The following ENPP6 variants were observed in gnomAD, a reference collection of about 807,000 sequenced individuals.
ENPP6 encodes the protein glycerophosphocholine cholinephosphodiesterase ENPP6.
In ENPP6, 32 loss-of-function variants were observed where a neutral mutation model predicts 42.0. That is an observed-to-expected ratio of 0.76 (90% confidence interval 0.58 to 1.02). The LOEUF is 1.02. ENPP6 is among the 50% of genes least tolerant of loss of function. The pLI is 0.00. For synonymous variants in ENPP6, 213 were observed against 216.0 expected, an observed-to-expected ratio of 0.99 and a Z score of 0.12; for missense variants, 552 against 566.8, an observed-to-expected ratio of 0.97 and a Z score of 0.27.
chr4:184,209,853 T>A (rs933195712), intron 1 of ENPP6, among the ~76,000 whole-genome samples: 1 of 141,046 alleles, frequency 7.1e-6, no homozygotes, highest in African/African-American at 2.8e-5. Context: ...CGGGTTACCC[T>A]CAAAGGGAAG....
At chr4:184,092,605 C>T (rs973703140) in intron 7 of ENPP6, among the ~76,000 whole-genome samples, 3 of 152,188 alleles carry the variant, frequency 2.0e-5, no homozygotes, top group African/African-American at 7.2e-5. Flanking sequence ...AAGCACTTGT[C>T]CATTTAAAGA....
rs1736697619 is a variant in ENPP6, at chr4:184,134,506, C to G, written c.422-10234G>C. ...AATCTGTCTGTTTCATGTGTGCTTT[C>G]AAATACATTGGTGTAACATTTTCAC... On this transcript the variant is annotated intron_variant, in intron 2 of 7. Transcript: ENST00000296741. Among the ~76,000 whole-genome samples, 3 of 152,068 alleles carry G rather than the reference C, an allele frequency of 2.0e-5. No homozygotes were observed. In the South Asian group the frequency reaches 6.2e-4, roughly 32 times the overall value.
chr4:184,120,617 C>T (rs554366814), intron 3 of ENPP6, among the ~76,000 whole-genome samples: 2 of 152,308 alleles, frequency 1.3e-5, no homozygotes, highest in Admixed American at 6.5e-5. Context: ...TCCTGCAAAT[C>T]GGACTTCCAG....
At chr4:184,111,502 CTG>C (rs1234998795) in intron 6 of ENPP6, among the ~76,000 whole-genome samples, 1 of 152,104 alleles carries the variant, frequency 6.6e-6, no homozygotes, top group Admixed American at 6.5e-5. Context: ...ACCTCACACT[CTG>C]TGATGAAGTG....
rs192174332 is a variant in ENPP6, at chr4:184,204,811, G to C, written c.241+12768C>G. 2.6e-3 allele frequency among the ~76,000 whole-genome samples: 395 copies of C among 152,322 alleles called. 3 individuals are homozygous for C. The highest frequency in any genetic ancestry group is 9.2e-3 in the African/African-American group (384 of 41,570). ...CTAAATGCAAATTGCTTTCATATGA[G>C]CAAAGCATGATTGTAGTTTTTTCTC... is the stretch of plus-strand genomic sequence containing the variant. On this transcript the variant is annotated intron_variant, in intron 1 of 7. Coordinates refer to ENST00000296741, the MANE Select transcript of ENPP6 (RefSeq NM_153343.4).
At chr4:184,216,707 T>G (rs781326798) in intron 1 of ENPP6, 8 of 152,180 alleles carry the variant, frequency 5.3e-5, no homozygotes, top group Admixed American at 2.6e-4. Context: ...TTACAAAGGT[T>G]ATAGCTGAAA....
chr4:184,097,112 G>T, intron 7 of ENPP6, 133 bp downstream of exon 7: 1 of 1,325,498 alleles, frequency 7.5e-7, no homozygotes, highest in Non-Finnish European at 1.0e-6. Flanking sequence ...GAGACCGGCT[G>T]GGTTTGCTCT....
At chr4:184,201,114 G>C (rs550649622) in intron 1 of ENPP6, among the ~76,000 whole-genome samples, 4 of 152,084 alleles carry the variant, frequency 2.6e-5, no homozygotes, top group Non-Finnish European at 1.5e-5. Flanking sequence ...CACAGCACGC[G>C]CGCCCCCAGG....
chr4:184,109,133 C>A (rs1328866029), intron 6 of ENPP6, among the ~76,000 whole-genome samples: 1 of 152,020 alleles, frequency 6.6e-6, no homozygotes, highest in Non-Finnish European at 1.5e-5. Context: ...ATCTCTTGAA[C>A]CTGGAAGGCA....
intron 6 of ENPP6, among the ~76,000 whole-genome samples, chr4:184,106,964 A>G (rs1451887238): frequency 6.6e-6 from 1 of 151,958 alleles, no homozygotes; most frequent in Non-Finnish European, 1.5e-5. Context: ...GCCCTTCTCC[A>G]CTTGGCATTT....
At chr4:184,194,335 C>T (rs992835176) in intron 1 of ENPP6, among the ~76,000 whole-genome samples, 2 of 152,184 alleles carry the variant, frequency 1.3e-5, no homozygotes, top group African/African-American at 2.4e-5. Context: ...TCTGGAGCAA[C>T]GAACAGTCAC....
chr4:184,127,676 G>A (rs1736526421), intron 2 of ENPP6, among the ~76,000 whole-genome samples: 1 of 152,272 alleles, frequency 6.6e-6, no homozygotes, highest in African/African-American at 2.4e-5. Flanking sequence ...AGAATCCCTT[G>A]AACCTGGTGG....
intron 2 of ENPP6, among the ~76,000 whole-genome samples, chr4:184,141,010 C>T (rs1325940330): frequency 9.4e-6 from 1 of 106,074 alleles, no homozygotes; most frequent in African/African-American, 3.4e-5. Context: ...GGGCTAATAT[C>T]CAGAATCTAC....
At chr4:184,165,326 C>A (rs1277151643) in intron 1 of ENPP6, among the ~76,000 whole-genome samples, 1 of 152,182 alleles carries the variant, frequency 6.6e-6, no homozygotes, top group African/African-American at 2.4e-5. Context: ...TGCTTAAGAA[C>A]TAAGATTCAA....
At position 184,095,672 on chromosome 4, in the gene ENPP6, C is replaced by CTA. The variant is rs1331515871; in HGVS notation, c.1117+1571_1117+1572dup. Among the ~76,000 whole-genome samples the CTA allele has an allele frequency of 1.3e-3, 177 of 140,550 alleles. 1 individual carries two copies. The highest frequency in any genetic ancestry group is 4.5e-3 in the African/African-American group (148 of 33,100). The allele number at this position is 140,550 out of a possible 152,430, so 92.2% of individuals were successfully genotyped here. ...ACTGTCTCAAAAAAAAAAAATATAT[C>CTA]TATATATATATATAGATATATATAT... On this transcript the variant is annotated intron_variant, in intron 7 of 7. Transcript: ENST00000296741.
At chr4:184,093,292 G>A (rs1169903422) in intron 7 of ENPP6, among the ~76,000 whole-genome samples, 4 of 152,002 alleles carry the variant, frequency 2.6e-5, no homozygotes, top group Admixed American at 2.6e-4. Context: ...TTTTCTTCAG[G>A]GGCATGGAGG....
At chr4:184,199,157 G>A (rs1732852698) in intron 1 of ENPP6, among the ~76,000 whole-genome samples, 1 of 152,210 alleles carries the variant, frequency 6.6e-6, no homozygotes, top group Non-Finnish European at 1.5e-5. Context: ...AAGTGACATG[G>A]CAGCATTTTC....
chr4:184,171,199 G>A (rs1322767070), intron 1 of ENPP6, among the ~76,000 whole-genome samples: 1 of 152,372 alleles, frequency 6.6e-6, no homozygotes, highest in East Asian at 1.9e-4. Flanking sequence ...AGGGCTGGAA[G>A]GATCTGCAGG....
chr4:184,131,829 A>ACACACG (rs765550600), intron 2 of ENPP6, among the ~76,000 whole-genome samples: 57 of 76,792 alleles, frequency 7.4e-4, no homozygotes, highest in South Asian at 3.4e-3. Context: ...ACACACATAT[A>ACACACG]TATATATATA....
Sources: allele counts gnomAD v4.1 joint callset (sites outside exome capture counted in the v4.1 genomes callset), GRCh38; gene constraint gnomAD v4.1.1; transcripts MANE v1.5; gene names NCBI Gene and HGNC (gene_info 2026-07-23, HGNC 2026-07-21).